PLEKHN1: variants seen among roughly 807,000 people sequenced by gnomAD.
PLEKHN1 encodes pleckstrin homology domain-containing family N member 1.
Under a neutral mutation model 72.8 loss-of-function variants are expected in PLEKHN1, and 68 were observed. The observed-to-expected ratio is 0.93, with a 90% CI of 0.77 to 1.14. The LOEUF (loss-of-function observed/expected upper bound fraction) is 1.14, where lower values mean the gene tolerates loss of function less well. Ranked by LOEUF, PLEKHN1 falls within the 50% of genes most tolerant of loss-of-function variation. The pLI, the probability that PLEKHN1 is intolerant of heterozygous loss-of-function variation, is 0.00. For missense variants in PLEKHN1, 1,015 were observed against 840.5 expected (o/e 1.21, Z -2.57); for synonymous variants, 454 against 371.6 (o/e 1.22, Z -2.55).
intron 2 of PLEKHN1, among the ~76,000 whole-genome samples, chr1:968,869 C>T (rs934402502): frequency 6.6e-6 from 1 of 152,134 alleles, no homozygotes; most frequent in Non-Finnish European, 1.5e-5. Context: ...ACAGTGAGGC[C>T]GGGGCAGCCA....
chr1:967,714 G>T (rs1414363898), intron 2 of PLEKHN1, among the ~76,000 whole-genome samples: 1 of 152,218 alleles, frequency 6.6e-6, no homozygotes, highest in Non-Finnish European at 1.5e-5. Context: ...CTGCAGACAA[G>T]TACTGGTTTC....
Position 970,642 on chromosome 1 carries a change from C to T in PLEKHN1, c.411+41C>T, listed in dbSNP as rs1014332531. 1.1e-5 allele frequency: 17 copies of T among 1,604,216 alleles called. No individual in the cohort carries two copies. In the Admixed American group the frequency reaches 2.5e-4, roughly 24 times the overall value. ...ATGGGGTGGGGCCATGGCCGCCCTT[C>T]CCTCCATGGATCCCTGAAGCTCCTC... is the stretch of plus-strand genomic sequence containing the variant. On this transcript the variant is annotated intron_variant, in intron 4 of 15. Transcript: ENST00000379410. The surrounding 1 kb of genome is among the most constrained non-coding windows in gnomAD (Gnocchi z 4.2).
chr1:971,173 G>T lies in PLEKHN1; in HGVS notation c.673G>T (p.Ala225Ser). The change falls in exon 7 of 16, where the codon GCC (alanine) becomes TCC (serine). Residue 225 changes from alanine (A) to serine (S), a missense_variant. Coordinates refer to ENST00000379410, the MANE Select transcript of PLEKHN1 (RefSeq NM_032129.3). Reference protein sequence around the residue: ...GHEPGGSAVCASRVKLQHLPA... With the variant: ...GHEPGGSAVCSSRVKLQHLPA... ...CGAACCCGGCGGCAGTGCTGTCTGT[G>T]CCTCGAGGGTCAAGCTGCAGCACCT... is the stretch of plus-strand genomic sequence containing the variant. 6.3e-7 allele frequency: 1 copy of T among 1,596,694 alleles called. No individual in the cohort carries two copies. Among genetic ancestry groups the T allele is most frequent in the Non-Finnish European group, 8.5e-7 (1 of 1,172,550 alleles).
At chr1:973,721 C>T in intron 13 of PLEKHN1, 81 bp downstream of exon 13, 3 of 1,573,548 alleles carry the variant, frequency 1.9e-6, no homozygotes, top group Non-Finnish European at 2.6e-6. Flanking sequence ...TGCGTCTCAC[C>T]CTGGGGTCTG....
intron 2 of PLEKHN1, among the ~76,000 whole-genome samples, 185 bp downstream of exon 2, chr1:966,988 G>C (rs1643028471): frequency 6.6e-6 from 1 of 152,244 alleles, no homozygotes; most frequent in Non-Finnish European, 1.5e-5. Flanking sequence ...TGAGCGGAGA[G>C]CGAAACCGCG....
Position 975,036 on chromosome 1 carries a change from G to A in PLEKHN1, c.*461G>A. The A allele has an allele frequency of 5.9e-6, 1 of 168,740 alleles. No homozygotes were observed. Among genetic ancestry groups the A allele is most frequent in the Non-Finnish European group, 1.3e-5 (1 of 77,928 alleles). 10.5% of individuals were successfully genotyped at this position (168,740 alleles called of 1,614,324 possible). The stretch of plus-strand genomic sequence containing the variant: ...GTGCCCCGAGGAGGAGGGTGGGTGG[G>A]TCCTTGTGTGGCCTGGCGCGCACCA... On this transcript the variant is annotated 3_prime_UTR_variant, in exon 16 of 16. Transcript: ENST00000379410.
At chr1:971,560 G>C in intron 8 of PLEKHN1, 156 bp downstream of exon 8, 1 of 701,364 alleles carries the variant, frequency 1.4e-6, no homozygotes, top group Non-Finnish European at 2.4e-6. Context: ...TCTGGTCTCC[G>C]CTGTGACATG....
chr1:973,577 C>A lies in PLEKHN1; in HGVS notation c.1371C>A (p.Ala457=), dbSNP rs773989628. Residue 457 remains alanine (A), a synonymous_variant, in exon 13 of 16, where the codon GCC becomes GCA. Coordinates refer to ENST00000379410, the MANE Select transcript of PLEKHN1 (RefSeq NM_032129.3). ...AAACATCACACTCGCCCCTCTATGC[C>A]GACCCCTACACACCACCCGCCACCT... The part of the protein sequence containing the change: ...TSETSHSPLY[A]DPYTPPATSH... 1.2e-6 allele frequency: 2 copies of A among 1,613,246 alleles called. No individual in the cohort carries two copies. The highest frequency in any genetic ancestry group is 1.7e-6 in the Non-Finnish European group (2 of 1,179,988).
chr1:968,216 A>T (rs1413878176), intron 2 of PLEKHN1, among the ~76,000 whole-genome samples: 1 of 152,226 alleles, frequency 6.6e-6, no homozygotes, highest in Non-Finnish European at 1.5e-5. Flanking sequence ...CGGGAAAGCC[A>T]TGCGTCTGTC....
rs985361539 is a variant in PLEKHN1 at position 971,162 on chromosome 1, G to C, written c.662G>C (p.Ser221Thr). ...GCGTCAGGGCACGAACCCGGCGGCA[G>C]TGCTGTCTGTGCCTCGAGGGTCAAG... ...RTASGHEPGG[S>T]AVCASRVKLQ... The change falls in exon 7 of 16, where the codon AGT becomes ACT. Residue 221 changes from serine (S) to threonine (T), a missense_variant. Ser to Thr is a moderately conservative substitution (Grantham distance 58, BLOSUM62 1). Coordinates refer to ENST00000379410, the MANE Select transcript of PLEKHN1 (RefSeq NM_032129.3). 1.9e-6 allele frequency: 3 copies of C among 1,598,460 alleles called. No individual in the cohort carries two copies. Among genetic ancestry groups the C allele is most frequent in the African/African-American group, 1.3e-5 (1 of 74,812 alleles).
In PLEKHN1 at chr1:971,149, G is replaced by C; in HGVS notation, c.649G>C (p.Glu217Gln). 6.2e-7 allele frequency: 1 copy of C among 1,600,388 alleles called. No individual in the cohort carries two copies. The highest frequency in any genetic ancestry group is 8.5e-7 in the Non-Finnish European group (1 of 1,174,528). ...CCGGCTGCGGACGGCGTCAGGGCAC[G>C]AACCCGGCGGCAGTGCTGTCTGTGC... Reference protein sequence around the residue: ...LTRLRTASGHEPGGSAVCASR... With the variant: ...LTRLRTASGHQPGGSAVCASR... The change falls in exon 7 of 16, where the codon GAA (glutamate) becomes CAA (glutamine). Residue 217 changes from glutamate (E) to glutamine (Q), a missense_variant. Glu to Gln is a conservative substitution (Grantham distance 29). Transcript: ENST00000379410.
In PLEKHN1 at chr1:973,623, G is replaced by T. The variant is rs780003116; in HGVS notation, c.1417G>T (p.Val473Phe). Residue 473 changes from valine (V) to phenylalanine (F), a missense_variant, in exon 13 of 16, where the codon GTC (valine) becomes TTC (phenylalanine). Val to Phe is a conservative substitution (Grantham distance 50). Transcript: ENST00000379410. Reference protein sequence around the residue: ...PATSHRRVTDVRGLEEFLSAM... With the variant: ...PATSHRRVTDFRGLEEFLSAM... ...CACCTCCCACCGCAGGGTCACAGAT[G>T]TCCGGGGCCTGGAGGAGGTCAGGCC... 6.2e-7 allele frequency: 1 copy of T among 1,612,966 alleles called. No homozygotes were observed. The highest frequency in any genetic ancestry group is 8.5e-7 in the Non-Finnish European group (1 of 1,179,952).
rs767301009 is a variant in PLEKHN1 at position 970,348 on chromosome 1, G to A, written c.255G>A (p.Arg85=). 1 of 1,613,578 alleles carries A rather than the reference G, an allele frequency of 6.2e-7. No individual in the cohort carries two copies. The highest frequency in any genetic ancestry group is 1.1e-5 in the South Asian group (1 of 91,080). ...TCCTGAGTGTGTTCAAGAAGGGGCG[G>A]CGGAGGGTGCCTGTGAGGAACCTGG... is the stretch of plus-strand genomic sequence containing the variant. ...QPFLSVFKKG[R]RRVPVRNLGK... The change falls in exon 3 of 16, where the codon CGG becomes CGA. Residue 85 remains arginine, a synonymous_variant. Transcript: ENST00000379410. The surrounding 1 kb of genome is among the most constrained non-coding windows in gnomAD (Gnocchi z 4.2).
At chr1:972,542 GATC>G in intron 10 of PLEKHN1, 118 bp downstream of exon 10, 1 of 1,274,172 alleles carries the variant, frequency 7.8e-7, no homozygotes, top group South Asian at 1.5e-5. Flanking sequence ...GAGGCGGGCG[GATC>G]ATTTGAGGTC....
rs764672947 is a variant in PLEKHN1 at position 973,282 on chromosome 1, G to T, written c.1249G>T (p.Glu417Ter). The change falls in exon 12 of 16, where the codon GAG (glutamate) becomes TAG (stop). Residue 417 changes from glutamate (E) to a stop codon, truncating the protein, a stop_gained. Transcript: ENST00000379410. LOFTEE classifies it high-confidence loss of function. ...GTCACCCGGGAGCAAGGCCCGGGCA[G>T]AGGGCCGCGGCCCTGTCACCCCACT... ...SRSPGSKARA[E>*]GRGPVTPLHL... is the part of the protein sequence containing the mutation. 4 of 1,542,002 alleles carry T rather than the reference G, an allele frequency of 2.6e-6. No individual in the cohort carries two copies. The highest frequency in any genetic ancestry group is 3.5e-6 in the Non-Finnish European group (4 of 1,140,268).
Position 970,435 on chromosome 1 carries a change from G to A in PLEKHN1, c.330+12G>A. On this transcript the variant is annotated intron_variant, in intron 3 of 15. Transcript: ENST00000379410. The surrounding 1 kb of genome is among the most constrained non-coding windows in gnomAD (Gnocchi z 4.2). Reference sequence around the variant, plus strand: ...TCCAGCACAGCCAGGTGGGGGCCGGGCTGGGTGGAGCACGCTAAGGGTGCA... The same window carrying A: ...TCCAGCACAGCCAGGTGGGGGCCGGACTGGGTGGAGCACGCTAAGGGTGCA... 6.2e-7 allele frequency: 1 copy of A among 1,613,242 alleles called. No individual in the cohort carries two copies. Among genetic ancestry groups the A allele is most frequent in the Non-Finnish European group, 8.5e-7 (1 of 1,179,936 alleles).
At chr1:968,337 C>T (rs1210855550) in intron 2 of PLEKHN1, among the ~76,000 whole-genome samples, 1 of 152,270 alleles carries the variant, frequency 6.6e-6, no homozygotes, top group Non-Finnish European at 1.5e-5. Context: ...TCCCACTTGG[C>T]CCTGAGCCTG....
intron 2 of PLEKHN1, among the ~76,000 whole-genome samples, 165 bp downstream of exon 2, chr1:966,968 G>T (rs937760440): frequency 6.6e-6 from 1 of 152,234 alleles, no homozygotes; most frequent in African/African-American, 2.4e-5. Flanking sequence ...AGCTCATCCG[G>T]CCGAAAGTCT....
intron 2 of PLEKHN1, among the ~76,000 whole-genome samples, chr1:967,014 A>G (rs1272157973): frequency 6.6e-6 from 1 of 152,158 alleles, no homozygotes; most frequent in Non-Finnish European, 1.5e-5. Context: ...GGACTGAGTC[A>G]GTCGGGAGAG....
Sources: allele counts gnomAD v4.1 joint callset (sites outside exome capture counted in the v4.1 genomes callset), GRCh38; gene constraint gnomAD v4.1.1; non-coding constraint Gnocchi (gnomAD v3.1); transcripts MANE v1.5; gene names NCBI Gene and HGNC (gene_info 2026-07-23, HGNC 2026-07-21).